Variants in EEFSEC observed in about 807,000 individuals in gnomAD.
EEFSEC encodes the protein eukaryotic elongation factor, selenocysteine-tRNA specific, also known as selenocysteine-specific elongation factor.
EEFSEC carries 43 observed loss-of-function variants against 42.1 expected under a neutral mutation model. The observed-to-expected ratio is 1.02, with a 90% confidence interval of 0.80 to 1.32. The LOEUF (loss-of-function observed/expected upper bound fraction) is 1.32. EEFSEC is among the 40% of genes most tolerant of loss of function. The probability of loss-of-function intolerance (pLI) is 0.00; values close to 1 mark genes in which losing one functional copy is unlikely to be tolerated. For synonymous variants in EEFSEC, 354 were observed against 339.1 expected (o/e 1.04, Z -0.48); for missense variants, 745 against 803.6 (o/e 0.93, Z 0.88).
rs1345814460 is a variant in EEFSEC, at chr3:128,246,870, C to G, written c.351C>G (p.Ile117Met). The G allele has an allele frequency of 6.2e-7, 1 of 1,613,976 alleles. No homozygotes were observed. Among genetic ancestry groups the G allele is most frequent in the African/African-American group, 1.3e-5 (1 of 74,918 alleles). The change falls in exon 2 of 7, where the codon ATC (isoleucine) becomes ATG (methionine). Residue 117 changes from isoleucine to methionine, a missense_variant. Coordinates refer to ENST00000254730, the MANE Select transcript of EEFSEC (RefSeq NM_021937.5). ...TCATTGATCTGATGATGCTGGTCATCGATGTGACCAAGGGGATGCAGACCC... is the reference window on the plus strand; with the variant it reads ...TCATTGATCTGATGATGCTGGTCATGGATGTGACCAAGGGGATGCAGACCC... ...AQIIDLMMLV[I>M]DVTKGMQTQS...
At chr3:128,209,819 A>C (rs1486007300) in intron 1 of EEFSEC, among the ~76,000 whole-genome samples, 2 of 152,256 alleles carry the variant, frequency 1.3e-5, no homozygotes, top group Non-Finnish European at 2.9e-5. Context: ...TTAGAGAGGT[A>C]ATAAGTAGAT....
chr3:128,177,920 A>G (rs977996596), intron 1 of EEFSEC, among the ~76,000 whole-genome samples: 1 of 152,258 alleles, frequency 6.6e-6, no homozygotes, highest in African/African-American at 2.4e-5. Context: ...ATAGCCATAA[A>G]GAATGAGTAG....
chr3:128,306,127 C>T (rs1202614332), intron 4 of EEFSEC, among the ~76,000 whole-genome samples: 1 of 151,998 alleles, frequency 6.6e-6, no homozygotes, highest in African/African-American at 2.4e-5. Flanking sequence ...AGAATATGGT[C>T]TGTGTCATGT....
At chr3:128,380,451 C>T (rs2067762189) in intron 6 of EEFSEC, among the ~76,000 whole-genome samples, 1 of 152,216 alleles carries the variant, frequency 6.6e-6, no homozygotes, top group Non-Finnish European at 1.5e-5. Flanking sequence ...TCACACCCTT[C>T]CCCTATCTTG....
At chr3:128,223,397 G>C (rs2065879344) in intron 1 of EEFSEC, among the ~76,000 whole-genome samples, 1 of 152,188 alleles carries the variant, frequency 6.6e-6, no homozygotes, top group South Asian at 2.1e-4. Context: ...CCCTGGATTT[G>C]CAGCCAGCTG....
At chr3:128,423,123 G>A in the EEFSEC span, among the ~76,000 whole-genome samples, 4 of 152,186 alleles carry the variant, frequency 2.6e-5, no homozygotes, top group African/African-American at 9.7e-5. Flanking sequence ...AGAGGGAAAC[G>A]GGCACACAGC....
chr3:128,253,685 C>G (rs2955092), intron 2 of EEFSEC, among the ~76,000 whole-genome samples: 127,690 of 151,994 alleles, frequency 0.84, 54,112 homozygotes, highest in East Asian at 0.99. Flanking sequence ...AATTATTTTT[C>G]CCTCCCTCGT....
At chr3:128,235,876 T>G (rs1327022095) in intron 1 of EEFSEC, among the ~76,000 whole-genome samples, 3 of 139,438 alleles carry the variant, frequency 2.2e-5, no homozygotes, top group East Asian at 4.3e-4. Context: ...GTTGTGCTGC[T>G]CCTACCCCCA....
chr3:128,319,783 A>T (rs1415804750), intron 4 of EEFSEC, among the ~76,000 whole-genome samples: 3 of 152,218 alleles, frequency 2.0e-5, no homozygotes, highest in Admixed American at 2.0e-4. Flanking sequence ...CTGTGCTGCC[A>T]TCCTCTCGAC....
intron 2 of EEFSEC, among the ~76,000 whole-genome samples, chr3:128,250,793 G>C (rs527807232): frequency 6.6e-6 from 1 of 152,130 alleles, no homozygotes; most frequent in African/African-American, 2.4e-5. Context: ...AATTTTGATA[G>C]GTATTGCATT....
intron 6 of EEFSEC, among the ~76,000 whole-genome samples, chr3:128,387,717 C>T (rs914816941): frequency 3.3e-5 from 5 of 152,158 alleles, no homozygotes; most frequent in Non-Finnish European, 7.3e-5. Flanking sequence ...CCACCAAGAC[C>T]CCTCCCTACA....
chr3:128,390,489 G>A (rs894686412), intron 6 of EEFSEC, among the ~76,000 whole-genome samples: 25 of 152,300 alleles, frequency 1.6e-4, no homozygotes, highest in African/African-American at 6.0e-4. Flanking sequence ...AATCACCTTC[G>A]CCAAATGAAA....
intron 5 of EEFSEC, among the ~76,000 whole-genome samples, chr3:128,355,499 T>G (rs560740499): frequency 6.6e-6 from 1 of 151,938 alleles, no homozygotes; most frequent in Non-Finnish European, 1.5e-5. Context: ...AGCTTTATCA[T>G]GGTGATGGTT....
chr3:128,271,804 C>T (rs1177307266), intron 4 of EEFSEC, among the ~76,000 whole-genome samples: 4 of 152,172 alleles, frequency 2.6e-5, no homozygotes, highest in Non-Finnish European at 2.9e-5. Context: ...TCCAGCCCAG[C>T]CCTGCTGACA....
intron 1 of EEFSEC, among the ~76,000 whole-genome samples, chr3:128,201,413 A>G (rs960708953): frequency 6.6e-6 from 1 of 152,070 alleles, no homozygotes; most frequent in African/African-American, 2.4e-5. Flanking sequence ...CATAGCAGAG[A>G]TCCTGTGGTG....
intron 4 of EEFSEC, among the ~76,000 whole-genome samples, chr3:128,330,229 T>C (rs1354952595): frequency 1.3e-5 from 2 of 152,196 alleles, no homozygotes; most frequent in African/African-American, 4.8e-5. Flanking sequence ...TGGTTTTCCA[T>C]TGTTGCAGTG....
At chr3:128,174,116 C>T (rs979824698) in intron 1 of EEFSEC, among the ~76,000 whole-genome samples, 1 of 152,152 alleles carries the variant, frequency 6.6e-6, no homozygotes, top group Non-Finnish European at 1.5e-5. Flanking sequence ...CTCTCAGAGG[C>T]CCTCCCCTCT....
At chr3:128,259,725 A>G (rs1320999106) in intron 2 of EEFSEC, among the ~76,000 whole-genome samples, 1 of 152,230 alleles carries the variant, frequency 6.6e-6, no homozygotes, top group African/African-American at 2.4e-5. Context: ...CTGGTATTTC[A>G]TATAAATGGA....
chr3:128,192,067 T>G (rs933449722), intron 1 of EEFSEC, among the ~76,000 whole-genome samples: 9 of 152,060 alleles, frequency 5.9e-5, no homozygotes, highest in African/African-American at 1.5e-4. Flanking sequence ...AATTAGTTAT[T>G]TAAAGAAAAA....
Sources: gnomAD v4.1 joint callset for allele counts (sites outside exome capture counted in the v4.1 genomes callset) on GRCh38, gnomAD v4.1.1 for gene constraint, MANE v1.5 for transcripts, NCBI Gene and HGNC (gene_info 2026-07-23, HGNC 2026-07-21) for gene names.